ASH1L: variants seen among roughly 807,000 people sequenced by gnomAD.
ASH1L encodes ASH1 like histone lysine methyltransferase, also known as histone-lysine N-methyltransferase ASH1L.
A neutral mutation model predicts 269.0 loss-of-function variants in ASH1L; 23 were observed. The ratio of observed to expected loss-of-function variants is 0.09; its 90% confidence interval spans 0.06 to 0.12. ASH1L has a LOEUF of 0.12. ASH1L is among the 10% of genes least tolerant of loss of function. The pLI, the probability that ASH1L is intolerant of heterozygous loss-of-function variation, is 1.00. For missense variants in ASH1L, 2,912 were observed against 3,567.8 expected, an observed-to-expected ratio of 0.82 and a Z score of 4.68; for synonymous variants, 1,187 against 1,253.5, an observed-to-expected ratio of 0.95 and a Z score of 1.12.
At chr1:155,496,698 G>T (rs1448764445) in intron 2 of ASH1L, among the ~76,000 whole-genome samples, 5 of 152,120 alleles carry the variant, frequency 3.3e-5, no homozygotes, top group Non-Finnish European at 7.4e-5. Flanking sequence ...GAGTTCAGTG[G>T]CAAGAACGTG....
At chr1:155,484,956 C>CA (rs1346703984) in intron 2 of ASH1L, among the ~76,000 whole-genome samples, 4,089 of 125,254 alleles carry the variant, frequency 0.033, 267 homozygotes, top group African/African-American at 0.13. Context: ...AAAACAAAAA[C>CA]AAAAACAAAA....
chr1:155,390,212 TATAA>T (rs75568274), intron 7 of ASH1L, among the ~76,000 whole-genome samples: 39,446 of 151,954 alleles, frequency 0.26, 5,863 homozygotes, highest in East Asian at 0.72. Flanking sequence ...AAGGGAATGT[TATAA>T]ATAATGTTAT....
intron 1 of ASH1L, among the ~76,000 whole-genome samples, chr1:155,560,561 C>T (rs1460858849): frequency 6.6e-6 from 1 of 152,148 alleles, no homozygotes; most frequent in Non-Finnish European, 1.5e-5. Flanking sequence ...CAACTTAATA[C>T]CCACCACTGT....
In ASH1L at chr1:155,438,510, T is replaced by C; in HGVS notation, c.5645A>G (p.Glu1882Gly). ...AGGACTGAGGTGCAGTGCTGCTCCT[T>C]CCTCGTCTCTGTTCAATTCTGGGTT... ...FVNPELNRDE[E>G]GAALHLSPDT... The change falls in exon 5 of 28, where the codon GAA becomes GGA. Residue 1882 changes from glutamate (E) to glycine (G), a missense_variant. This residue lies in a region of ASH1L where 789 missense variants were observed against 897.6 expected (regional missense o/e 0.88). Coordinates refer to ENST00000392403, the MANE Select transcript of ASH1L (RefSeq NM_018489.3). 1.9e-6 allele frequency: 3 copies of C among 1,613,294 alleles called. No homozygotes were observed. Among genetic ancestry groups the C allele is most frequent in the Non-Finnish European group, 2.5e-6 (3 of 1,179,706 alleles).
intron 12 of ASH1L, among the ~76,000 whole-genome samples, chr1:155,365,367 G>C (rs984226864): frequency 1.4e-5 from 2 of 145,976 alleles, no homozygotes; most frequent in Non-Finnish European, 3.0e-5. Context: ...CACTATGCCC[G>C]GCTGATTTTT....
chr1:155,557,307 G>A (rs1331988482), intron 1 of ASH1L, among the ~76,000 whole-genome samples: 2 of 151,562 alleles, frequency 1.3e-5, no homozygotes, highest in Non-Finnish European at 2.9e-5. Context: ...CTGTCACCCA[G>A]GCTGGAGTGC....
intron 6 of ASH1L, among the ~76,000 whole-genome samples, chr1:155,410,996 G>C (rs1659714135): frequency 6.6e-6 from 1 of 152,200 alleles, no homozygotes; most frequent in Non-Finnish European, 1.5e-5. Context: ...TTCACCAAGA[G>C]TGAACCCTAA....
chr1:155,398,638 T>C (rs973956895), intron 6 of ASH1L, among the ~76,000 whole-genome samples: 2 of 152,124 alleles, frequency 1.3e-5, no homozygotes, highest in Non-Finnish European at 2.9e-5. Context: ...TACTGTACAT[T>C]GTACAAAAAA....
rs143938862 is a variant in ASH1L, at chr1:155,522,375, C to A, written c.-99-757G>T. ...AAATACAGTATTCAACAAAATGAAC[C>A]CAGTTCCTAAATTTTAAGGTTTATA... On this transcript the variant is annotated intron_variant, in intron 1 of 27. Coordinates refer to ENST00000392403, the MANE Select transcript of ASH1L (RefSeq NM_018489.3). 1.4e-3 allele frequency among the ~76,000 whole-genome samples: 208 copies of A among 152,146 alleles called. 1 individual carries two copies. Among genetic ancestry groups the A allele is most frequent in the African/African-American group, 4.8e-3 (200 of 41,504 alleles).
At chr1:155,360,546 C>G (rs917179538) in intron 12 of ASH1L, 137 bp from the exon 13 acceptor site, 1 of 568,220 alleles carries the variant, frequency 1.8e-6, no homozygotes, top group Non-Finnish European at 3.1e-6. Flanking sequence ...CGGATTCAAG[C>G]GATTCTCCTG....
intron 7 of ASH1L, among the ~76,000 whole-genome samples, chr1:155,384,892 A>G (rs1657292363): frequency 6.6e-6 from 1 of 151,818 alleles, no homozygotes; most frequent in Non-Finnish European, 1.5e-5. Flanking sequence ...CATGACTCCG[A>G]TAACACAAAT....
intron 1 of ASH1L, among the ~76,000 whole-genome samples, chr1:155,553,592 C>A (rs1281920132): frequency 6.6e-6 from 1 of 152,144 alleles, no homozygotes; most frequent in South Asian, 2.1e-4. Flanking sequence ...TCTCTTAAGT[C>A]TGAATGTCTC....
chr1:155,398,185 A>G (rs1440674828), intron 6 of ASH1L, among the ~76,000 whole-genome samples: 1 of 152,234 alleles, frequency 6.6e-6, no homozygotes, highest in Non-Finnish European at 1.5e-5. Flanking sequence ...ACGCAGATAT[A>G]TGTAAAAGCA....
At chr1:155,363,284 A>AT (rs1457153003) in intron 12 of ASH1L, among the ~76,000 whole-genome samples, 6 of 150,836 alleles carry the variant, frequency 4.0e-5, no homozygotes, top group Admixed American at 2.7e-4. Flanking sequence ...CGCCTGGCTA[A>AT]TTTTTTATTT....
intron 12 of ASH1L, among the ~76,000 whole-genome samples, chr1:155,368,224 T>A (rs1655612981): frequency 1.3e-5 from 2 of 152,140 alleles, no homozygotes; most frequent in South Asian, 4.1e-4. Flanking sequence ...CTTGAACTCC[T>A]GGGCTCAAGC....
At chr1:155,375,337 C>T in intron 10 of ASH1L, among the ~76,000 whole-genome samples, 1 of 152,200 alleles carries the variant, frequency 6.6e-6, no homozygotes, top group South Asian at 2.1e-4. Context: ...CAGAATAAGT[C>T]CTTAAATTAT....
At chr1:155,340,346 C>A (rs1652681415) in intron 25 of ASH1L, among the ~76,000 whole-genome samples, 1 of 152,050 alleles carries the variant, frequency 6.6e-6, no homozygotes, top group African/African-American at 2.4e-5. Context: ...CCATGCCCGG[C>A]TAATTTTTGT....
intron 21 of ASH1L, 142 bp from the exon 22 acceptor site, chr1:155,344,415 T>C (rs1653059868): frequency 1.6e-6 from 1 of 613,924 alleles, no homozygotes; most frequent in Non-Finnish European, 2.8e-6. Flanking sequence ...TGAAAGCAAC[T>C]AGAGCTGTTA....
rs771977891 is a variant in ASH1L, at chr1:155,482,271, C to T, written c.599G>A (p.Arg200Gln). 1.3e-5 allele frequency: 21 copies of T among 1,614,084 alleles called. No individual in the cohort carries two copies. The highest frequency in any genetic ancestry group is 4.0e-5 in the African/African-American group (3 of 75,024). The stretch of plus-strand genomic sequence containing the variant: ...TGCTCTGTCCTTTAAATCAGGATCC[C>T]GGCTACCAAGAAGAGTAGATGGCGT... ...NATPSTLLGS[R>Q]DPDLKDRALL... The change falls in exon 3 of 28, where the codon CGG (arginine) becomes CAG (glutamine). Residue 200 changes from arginine (R) to glutamine (Q), a missense_variant. Coordinates refer to ENST00000392403, the MANE Select transcript of ASH1L (RefSeq NM_018489.3).
Sources: gnomAD v4.1 joint callset for allele counts (sites outside exome capture counted in the v4.1 genomes callset) on GRCh38, gnomAD v4.1.1 for gene constraint, gnomAD v4.1.1 regional missense constraint, MANE v1.5 for transcripts, NCBI Gene and HGNC (gene_info 2026-07-23, HGNC 2026-07-21) for gene names.